TMEM71: variants seen among roughly 807,000 people sequenced by gnomAD.
TMEM71 encodes transmembrane protein 71.
A neutral mutation model predicts 38.0 loss-of-function variants in TMEM71; 44 were observed. That is an observed-to-expected ratio of 1.16 (90% confidence interval 0.91 to 1.49). The LOEUF (loss-of-function observed/expected upper bound fraction) is 1.49, where lower values mean the gene tolerates loss of function less well. Ranked by LOEUF, TMEM71 falls within the 40% of genes most tolerant of loss-of-function variation. TMEM71 has a pLI of 0.00. For missense variants in TMEM71, 367 were observed against 348.6 expected, an observed-to-expected ratio of 1.05 and a Z score of -0.42; for synonymous variants, 133 against 122.5, an observed-to-expected ratio of 1.09 and a Z score of -0.56.
chr8:132,756,483 G>A (rs1216409755), intron 3 of TMEM71, among the ~76,000 whole-genome samples: 2 of 138,850 alleles, frequency 1.4e-5, no homozygotes, highest in Admixed American at 1.5e-4. Context: ...GTATGTACAT[G>A]GCACCAAAAA....
intron 6 of TMEM71, 150 bp downstream of exon 6, chr8:132,727,648 C>T (rs1586789875): frequency 3.3e-6 from 2 of 612,044 alleles, no homozygotes; most frequent in Non-Finnish European, 5.6e-6. Flanking sequence ...CAAAGGGTCA[C>T]CTGGGCTTTG....
the TMEM71 span, chr8:132,775,700 C>T: frequency 9.4e-6 from 3 of 317,852 alleles, no homozygotes; most frequent in Admixed American, 5.0e-5. Flanking sequence ...CCGGGCCGCC[C>T]GGGACGCCCC....
At chr8:132,747,194 A>G (rs1563754296) in intron 4 of TMEM71, 80 bp from the exon 5 acceptor site, 1 of 1,269,642 alleles carries the variant, frequency 7.9e-7, no homozygotes, top group South Asian at 1.6e-5. Context: ...CGCAGAGTAC[A>G]TTTCTACAAC....
chr8:132,728,604 A>T (rs189203768), intron 5 of TMEM71, among the ~76,000 whole-genome samples: 1 of 152,362 alleles, frequency 6.6e-6, no homozygotes, highest in Non-Finnish European at 1.5e-5. Flanking sequence ...GTGCAGAGAT[A>T]AACAAAGGCC....
At chr8:132,753,480 G>A (rs914176210) in intron 3 of TMEM71, among the ~76,000 whole-genome samples, 10 of 152,182 alleles carry the variant, frequency 6.6e-5, no homozygotes, top group Admixed American at 5.2e-4. Flanking sequence ...GAGTTTTGGC[G>A]GTCATGTCTG....
chr8:132,759,587 A>G (rs1829218732), intron 1 of TMEM71: 1 of 152,218 alleles, frequency 6.6e-6, no homozygotes, highest in Non-Finnish European at 1.5e-5. Flanking sequence ...GCAAACTTTG[A>G]TCATTTACTG....
intron 5 of TMEM71, among the ~76,000 whole-genome samples, chr8:132,728,441 G>A (rs1827274143): frequency 6.6e-6 from 1 of 152,148 alleles, no homozygotes; most frequent in Non-Finnish European, 1.5e-5. Flanking sequence ...CCATCACCAT[G>A]ATTCAATACC....
intron 5 of TMEM71, among the ~76,000 whole-genome samples, chr8:132,740,209 C>T (rs373837109): frequency 2.6e-5 from 4 of 152,270 alleles, no homozygotes; most frequent in African/African-American, 9.6e-5. Context: ...CTCACTCACT[C>T]AGCCCAGTGC....
At chr8:132,749,913 C>T (rs1470353793) in intron 4 of TMEM71, among the ~76,000 whole-genome samples, 4 of 150,096 alleles carry the variant, frequency 2.7e-5, no homozygotes, top group East Asian at 2.0e-4. Context: ...ACTTGGGAGG[C>T]GGAGGCAGAA....
At chr8:132,767,820 C>A in the TMEM71 span, among the ~76,000 whole-genome samples, 2,726 of 152,220 alleles carry the variant, frequency 0.018, 76 homozygotes, top group African/African-American at 0.061. Context: ...TATTGGACAA[C>A]CTGTTGCTTA....
upstream of TMEM71, among the ~76,000 whole-genome samples, chr8:132,762,135 C>T (rs1829308087): frequency 6.6e-6 from 1 of 152,264 alleles, no homozygotes; most frequent in South Asian, 2.1e-4. Flanking sequence ...AGTCCTAACA[C>T]AGGTCACTTC....
At chr8:132,764,873 G>T (rs2472232), upstream of TMEM71, among the ~76,000 whole-genome samples, 32 of 151,938 alleles carry the variant, frequency 2.1e-4, no homozygotes, top group African/African-American at 7.7e-4. Context: ...TTGCTATTAC[G>T]GTTTCTATCA....
chr8:132,726,590 G>T (rs1213883774), intron 6 of TMEM71, among the ~76,000 whole-genome samples: 1 of 152,144 alleles, frequency 6.6e-6, no homozygotes, highest in African/African-American at 2.4e-5. Context: ...AACTGCTTCT[G>T]AGTTATAGCT....
rs1258685742 is a variant in TMEM71, at chr8:132,728,069, C to G, written c.488-83G>C. On this transcript the variant is annotated intron_variant, in intron 5 of 9. Transcript: ENST00000677595. ...GTGTGTTCAGTGACTGCTCAATGCA[C>G]AGTTAGTTCCTAATAATCACAAAAA... 4.8e-6 allele frequency: 5 copies of G among 1,044,736 alleles called. No homozygotes were observed. In the African/African-American group the frequency reaches 8.0e-5, roughly 17 times the overall value. 64.7% of individuals were successfully genotyped at this position (1,044,736 alleles called of 1,614,324 possible).
At chr8:132,736,666 C>A (rs895626563) in intron 5 of TMEM71, among the ~76,000 whole-genome samples, 2 of 151,790 alleles carry the variant, frequency 1.3e-5, no homozygotes, top group African/African-American at 4.8e-5. Context: ...CCCATCTCAA[C>A]TGAAAATGCA....
chr8:132,758,579 A>C, intron 2 of TMEM71: 1 of 432,018 alleles, frequency 2.3e-6, no homozygotes, highest in Non-Finnish European at 4.1e-6. Context: ...CTGATAAACA[A>C]TCTCCTTTCA....
intron 5 of TMEM71, among the ~76,000 whole-genome samples, chr8:132,739,239 T>C (rs1563751071): frequency 2.0e-5 from 3 of 152,226 alleles, no homozygotes; most frequent in Admixed American, 6.5e-5. Context: ...AACAAAGCCC[T>C]TCCGGGCAGC....
chr8:132,757,187 C>A, intron 3 of TMEM71, 47 bp downstream of exon 3: 3 of 1,457,478 alleles, frequency 2.1e-6, no homozygotes, highest in Non-Finnish European at 2.9e-6. Context: ...TGAGCCACCA[C>A]GCCCGGCCAG....
the TMEM71 span, among the ~76,000 whole-genome samples, chr8:132,766,581 C>T: frequency 6.6e-6 from 1 of 152,098 alleles, no homozygotes; most frequent in Non-Finnish European, 1.5e-5. Context: ...AGGCGGATCA[C>T]TTAAGCTCAG....
Sources: gnomAD v4.1 joint callset for allele counts (sites outside exome capture counted in the v4.1 genomes callset) on GRCh38, gnomAD v4.1.1 for gene constraint, MANE v1.5 for transcripts, NCBI Gene and HGNC (gene_info 2026-07-23, HGNC 2026-07-21) for gene names.